Variants in TEAD1 observed in about 807,000 individuals in gnomAD.
The protein encoded by TEAD1 is transcriptional enhancer factor TEF-1.
Under a neutral mutation model 54.9 loss-of-function variants are expected in TEAD1, and 9 were observed. The ratio of observed to expected loss-of-function variants is 0.16; its 90% confidence interval spans 0.10 to 0.29. The LOEUF (loss-of-function observed/expected upper bound fraction) is 0.29. Among genes scored for constraint, TEAD1 ranks in the 10% least tolerant of loss-of-function variants. The probability of loss-of-function intolerance (pLI) is 1.00; values close to 1 mark genes in which losing one functional copy is unlikely to be tolerated. For missense variants in TEAD1, 387 were observed against 535.9 expected (o/e 0.72, Z 2.74); for synonymous variants, 200 against 187.8 (o/e 1.07, Z -0.53).
intron 2 of TEAD1, among the ~76,000 whole-genome samples, chr11:12,689,669 A>G (rs1943412580): frequency 6.6e-6 from 1 of 152,248 alleles, no homozygotes; most frequent in African/African-American, 2.4e-5. Flanking sequence ...CAGGAGCAGA[A>G]TCTTATTTTT....
intron 3 of TEAD1, among the ~76,000 whole-genome samples, chr11:12,822,030 C>G (rs2093422841): frequency 7.8e-6 from 1 of 128,072 alleles, no homozygotes; most frequent in Non-Finnish European, 1.6e-5. Context: ...GTGGCGCGAT[C>G]TCCGCTCACT....
chr11:12,832,770 C>T (rs1298227319), intron 3 of TEAD1, among the ~76,000 whole-genome samples: 1 of 152,246 alleles, frequency 6.6e-6, no homozygotes, highest in Non-Finnish European at 1.5e-5. Flanking sequence ...TTTTCATTTA[C>T]ACATCCTGCC....
In TEAD1 at chr11:12,939,289, G is replaced by C. The variant is rs1949138592; in HGVS notation, c.*2067G>C. The C allele has an allele frequency of 6.6e-6, 1 of 152,376 alleles. No individual in the cohort carries two copies. The allele number at this position is 152,376 out of a possible 1,614,324, so 9.4% of individuals were successfully genotyped here. ...GGTTGTCACATTTACAGTGACTTCT[G>C]TTGAACACCCCTCTTAGGGATGTTT... On this transcript the variant is annotated 3_prime_UTR_variant, in exon 13 of 13. Coordinates refer to ENST00000527636, the MANE Select transcript of TEAD1 (RefSeq NM_021961.6).
At chr11:12,710,274 T>G (rs1171921199) in intron 2 of TEAD1, among the ~76,000 whole-genome samples, 1 of 152,136 alleles carries the variant, frequency 6.6e-6, no homozygotes, top group Non-Finnish European at 1.5e-5. Flanking sequence ...CAGTGAGCCG[T>G]GATCACACCA....
At position 12,939,947 on chromosome 11, in the gene TEAD1, C is replaced by T. The variant is rs189491972; in HGVS notation, c.*2725C>T. 6.6e-6 allele frequency: 1 copy of T among 152,248 alleles called. No homozygotes were observed. Among genetic ancestry groups the T allele is most frequent in the African/African-American group, 2.4e-5 (1 of 41,554 alleles). 9.4% of individuals were successfully genotyped at this position (152,248 alleles called of 1,614,324 possible). A position where few individuals can be genotyped will look rare whatever the true frequency, so the allele number is the denominator to read the frequency against. On this transcript the variant is annotated 3_prime_UTR_variant, in exon 13 of 13. Coordinates refer to ENST00000527636, the MANE Select transcript of TEAD1 (RefSeq NM_021961.6). ...AGTCTCCCTTTGTTATAAAAGCTTT[C>T]TAAAGCATACTAAAGAAGCCTTCCC...
chr11:12,938,917 G>A lies in TEAD1; in HGVS notation c.*1695G>A, dbSNP rs1386825202. 2 of 152,232 alleles carry A rather than the reference G, an allele frequency of 1.3e-5. No homozygotes were observed. The highest frequency in any genetic ancestry group is 2.9e-5 in the Non-Finnish European group (2 of 68,046). The allele number at this position is 152,232 out of a possible 1,614,324, so 9.4% of individuals were successfully genotyped here. A position where few individuals can be genotyped will look rare whatever the true frequency, so the allele number is the denominator to read the frequency against. On this transcript the variant is annotated 3_prime_UTR_variant, in exon 13 of 13. Coordinates refer to ENST00000527636, the MANE Select transcript of TEAD1 (RefSeq NM_021961.6). The stretch of plus-strand genomic sequence containing the variant: ...AAACATGTCAAGATTTTTCCACCAA[G>A]CTAGAAAATAAAAAACTTAGTTCTA...
chr11:12,679,096 C>G (rs1943160974), intron 2 of TEAD1, among the ~76,000 whole-genome samples: 1 of 152,082 alleles, frequency 6.6e-6, no homozygotes. Context: ...GTGAAACTCA[C>G]TCGTTTCCTC....
At chr11:12,904,198 A>C (rs1329391534) in intron 10 of TEAD1, among the ~76,000 whole-genome samples, 2 of 152,208 alleles carry the variant, frequency 1.3e-5, no homozygotes, top group African/African-American at 4.8e-5. Flanking sequence ...AAATTCATGC[A>C]GTTGAAAAAA....
At chr11:12,837,693 CCCTTCTCCCTTCTCCCTTCT>C (rs1946925650) in intron 3 of TEAD1, among the ~76,000 whole-genome samples, 1 of 147,970 alleles carries the variant, frequency 6.8e-6, no homozygotes, top group Non-Finnish European at 1.5e-5. Context: ...TCTCCCTTCT[CCCTTCTCCCTTCTCCCTTCT>C]CCTTCTCCTT....
intron 3 of TEAD1, among the ~76,000 whole-genome samples, chr11:12,852,003 C>A (rs1711822819): frequency 6.6e-6 from 1 of 152,092 alleles, no homozygotes; most frequent in South Asian, 2.1e-4. Flanking sequence ...ATGACTAACT[C>A]AGTTTGGATG....
chr11:12,742,553 C>T (rs917528504), intron 2 of TEAD1, among the ~76,000 whole-genome samples: 6 of 151,928 alleles, frequency 3.9e-5, no homozygotes, highest in African/African-American at 1.5e-4. Context: ...TGGTATATTT[C>T]AAAATGGCAA....
intron 10 of TEAD1, among the ~76,000 whole-genome samples, chr11:12,906,667 G>A (rs536818951): frequency 1.2e-4 from 19 of 152,106 alleles, no homozygotes; most frequent in Non-Finnish European, 1.9e-4. Context: ...AGGATCTCCT[G>A]TGCCCATTTG....
At chr11:12,830,731 T>C (rs993304426) in intron 3 of TEAD1, among the ~76,000 whole-genome samples, 1 of 152,082 alleles carries the variant, frequency 6.6e-6, no homozygotes, top group Non-Finnish European at 1.5e-5. Context: ...TTGTGTCAGT[T>C]ATATTTGCAA....
chr11:12,790,176 C>A, intron 3 of TEAD1, among the ~76,000 whole-genome samples: 1 of 152,338 alleles, frequency 6.6e-6, no homozygotes, highest in East Asian at 1.9e-4. Flanking sequence ...GGCCGTGCTA[C>A]CTACAGTGCC....
At chr11:12,833,585 G>T (rs753108218) in intron 3 of TEAD1, among the ~76,000 whole-genome samples, 75 of 151,956 alleles carry the variant, frequency 4.9e-4, no homozygotes, top group Admixed American at 9.2e-4. Context: ...TGCTGAGAGA[G>T]CCAGAACGTT....
At chr11:12,843,522 TTAATTAAACCAG>T (rs1435487769) in intron 3 of TEAD1, among the ~76,000 whole-genome samples, 4 of 152,256 alleles carry the variant, frequency 2.6e-5, no homozygotes, top group Non-Finnish European at 4.4e-5. Flanking sequence ...TTTTTGAATT[TTAATTAAACCAG>T]TCTTAGAGTA....
intron 2 of TEAD1, among the ~76,000 whole-genome samples, chr11:12,746,957 T>C (rs551429504): frequency 6.6e-6 from 1 of 152,254 alleles, no homozygotes; most frequent in African/African-American, 2.4e-5. Context: ...AGGTGGCAGG[T>C]CCTGCCTGAG....
At chr11:12,829,420 C>G (rs1255712097) in intron 3 of TEAD1, among the ~76,000 whole-genome samples, 4 of 152,160 alleles carry the variant, frequency 2.6e-5, no homozygotes, top group African/African-American at 9.7e-5. Flanking sequence ...AAGTATGCCT[C>G]GGAGCAACTG....
chr11:12,890,323 T>C (rs1022321395), intron 9 of TEAD1, among the ~76,000 whole-genome samples: 1 of 152,178 alleles, frequency 6.6e-6, no homozygotes, highest in African/African-American at 2.4e-5. Flanking sequence ...GCCTTCCACA[T>C]TGGGTAGATG....
Sources: allele counts gnomAD v4.1 joint callset (sites outside exome capture counted in the v4.1 genomes callset), GRCh38; gene constraint gnomAD v4.1.1; transcripts MANE v1.5; gene names NCBI Gene and HGNC (gene_info 2026-07-23, HGNC 2026-07-21).